The following SFMBT2 variants were observed in gnomAD, a reference collection of about 807,000 sequenced individuals.
The protein encoded by SFMBT2 is Scm like with four mbt domains 2.
A neutral mutation model predicts 110.1 loss-of-function variants in SFMBT2; 38 were observed. The observed-to-expected ratio is 0.35, with a 90% CI of 0.27 to 0.45. SFMBT2 has a LOEUF of 0.45. Among genes scored for constraint, SFMBT2 ranks in the 20% least tolerant of loss-of-function variants. The pLI is 1.00. For missense variants in SFMBT2, 1,011 were observed against 1,094.9 expected, an observed-to-expected ratio of 0.92 and a Z score of 1.08; for synonymous variants, 425 against 425.4, an observed-to-expected ratio of 1.00 and a Z score of 0.01.
At chr10:7,165,150 C>T (rs1366469400) in intron 20 of SFMBT2, among the ~76,000 whole-genome samples, 2 of 152,046 alleles carry the variant, frequency 1.3e-5, no homozygotes, top group African/African-American at 4.8e-5. Context: ...GATTGCAGGC[C>T]CCAGGCAATG....
chr10:7,345,005 G>A (rs1230676541), intron 4 of SFMBT2, among the ~76,000 whole-genome samples: 1 of 147,282 alleles, frequency 6.8e-6, no homozygotes, highest in African/African-American at 2.5e-5. Context: ...GGATAAAGAT[G>A]ATACAAGAGA....
At chr10:7,194,842 C>T (rs1051132764) in intron 15 of SFMBT2, among the ~76,000 whole-genome samples, 8 of 152,268 alleles carry the variant, frequency 5.3e-5, no homozygotes, top group South Asian at 4.1e-4. Context: ...TGGCACTTAT[C>T]GGAGAATTGA....
chr10:7,381,145 G>A (rs949268158), intron 2 of SFMBT2, among the ~76,000 whole-genome samples: 2 of 152,080 alleles, frequency 1.3e-5, no homozygotes, highest in South Asian at 2.1e-4. Context: ...GTTTGAGTCC[G>A]AGGAGGGAGC....
At chr10:7,411,205 C>G (rs1459900963), upstream of SFMBT2, 4 of 151,592 alleles carry the variant, frequency 2.6e-5, no homozygotes, top group Non-Finnish European at 5.9e-5. Context: ...GGGACGTGAT[C>G]GGCTCCTTCC....
chr10:7,320,719 G>T (rs1377506686), intron 4 of SFMBT2: 2 of 573,732 alleles, frequency 3.5e-6, no homozygotes, highest in Non-Finnish European at 4.4e-6. Context: ...AGTGTTTTGC[G>T]GGCTGACATG....
intron 16 of SFMBT2, among the ~76,000 whole-genome samples, chr10:7,177,945 G>A (rs1390354393): frequency 6.6e-6 from 1 of 152,136 alleles, no homozygotes; most frequent in Non-Finnish European, 1.5e-5. Flanking sequence ...GAGGGCAGAG[G>A]GAGAAGGTGG....
At chr10:7,222,986 C>A (rs186262270) in intron 10 of SFMBT2, among the ~76,000 whole-genome samples, 8 of 152,132 alleles carry the variant, frequency 5.3e-5, no homozygotes, top group Non-Finnish European at 1.0e-4. Context: ...GCCAGTCACA[C>A]TGGATGAGGG....
intron 16 of SFMBT2, among the ~76,000 whole-genome samples, chr10:7,180,123 C>CTT (rs145590317): frequency 1.6e-4 from 20 of 127,322 alleles, no homozygotes; most frequent in African/African-American, 5.2e-4. Context: ...TTTAGGTTTG[C>CTT]TTTTTTTTGC....
intron 2 of SFMBT2, among the ~76,000 whole-genome samples, chr10:7,378,622 GTGGA>G (rs754963058): frequency 6.7e-4 from 84 of 125,952 alleles, no homozygotes; most frequent in Admixed American, 1.1e-3. Context: ...TGTGGGTTGA[GTGGA>G]TGGATGGGTG....
intron 4 of SFMBT2, among the ~76,000 whole-genome samples, chr10:7,290,553 G>A (rs1045831752): frequency 4.6e-5 from 7 of 152,138 alleles, no homozygotes; most frequent in South Asian, 2.1e-4. Flanking sequence ...TAAAGCTGCC[G>A]AGCTGGACAT....
chr10:7,171,009 C>T lies in SFMBT2; in HGVS notation c.2463G>A (p.Pro821=), dbSNP rs147608900. Residue 821 remains proline, a synonymous_variant, in exon 20 of 21, where the codon CCG becomes CCA. Coordinates refer to ENST00000397167, the MANE Select transcript of SFMBT2 (RefSeq NM_001387889.1). The surrounding 1 kb of genome is among the most constrained non-coding windows in gnomAD (Gnocchi z 4.9). ...EEERLVLESN[P]LEWTVTDVVR... ...CCACGTCGGTGACCGTCCACTCCAA[C>T]GGGTTGCTCTCCAGAACCAGTCTCT... 1.1e-4 allele frequency: 179 copies of T among 1,614,084 alleles called. No individual in the cohort carries two copies. The highest frequency in any genetic ancestry group is 1.7e-4 in the African/African-American group (13 of 74,918).
At chr10:7,195,581 G>GT (rs1300778599) in intron 15 of SFMBT2, among the ~76,000 whole-genome samples, 3 of 152,152 alleles carry the variant, frequency 2.0e-5, no homozygotes, top group Non-Finnish European at 4.4e-5. Context: ...CACGAACAAG[G>GT]GCCCTTTCTG....
chr10:7,195,590 T>A (rs1838743038), intron 15 of SFMBT2, among the ~76,000 whole-genome samples: 1 of 152,216 alleles, frequency 6.6e-6, no homozygotes, highest in South Asian at 2.1e-4. Flanking sequence ...GGGCCCTTTC[T>A]GGGTCCATCC....
intron 7 of SFMBT2, chr10:7,263,998 A>G: frequency 4.3e-6 from 1 of 233,760 alleles, no homozygotes; most frequent in Non-Finnish European, 7.0e-6. Flanking sequence ...ACATCATTGA[A>G]AGCTAAGAAA....
intron 4 of SFMBT2, among the ~76,000 whole-genome samples, chr10:7,361,742 T>C (rs1471139694): frequency 2.0e-5 from 3 of 152,238 alleles, no homozygotes; most frequent in Admixed American, 2.0e-4. Flanking sequence ...TAAGGCACTA[T>C]AATTCCAACA....
intron 1 of SFMBT2, among the ~76,000 whole-genome samples, chr10:7,385,766 G>A (rs11598632): frequency 0.53 from 80,290 of 151,972 alleles, 21,917 homozygotes; most frequent in African/African-American, 0.67. Flanking sequence ...TTGGGAGGCC[G>A]AGGCGGGCGG....
At chr10:7,200,631 C>T in intron 13 of SFMBT2, 147 bp from the exon 14 acceptor site, 1 of 552,812 alleles carries the variant, frequency 1.8e-6, no homozygotes, top group Non-Finnish European at 2.9e-6. Context: ...GGGAGCAATG[C>T]CAGTAAGACC....
intron 10 of SFMBT2, among the ~76,000 whole-genome samples, chr10:7,220,811 T>C (rs145041532): frequency 2.8e-3 from 354 of 125,676 alleles, no homozygotes; most frequent in African/African-American, 9.4e-3. Flanking sequence ...TCCAGTTCCA[T>C]ATGCACCCTT....
intron 4 of SFMBT2, among the ~76,000 whole-genome samples, chr10:7,296,741 A>G (rs886139135): frequency 2.0e-4 from 31 of 152,144 alleles, no homozygotes; most frequent in African/African-American, 7.0e-4. Context: ...TTTTTCTGGG[A>G]GGGTGATTTT....
Sources: allele counts gnomAD v4.1 joint callset (sites outside exome capture counted in the v4.1 genomes callset), GRCh38; gene constraint gnomAD v4.1.1; non-coding constraint Gnocchi (gnomAD v3.1); transcripts MANE v1.5; gene names NCBI Gene and HGNC (gene_info 2026-07-23, HGNC 2026-07-21).